Variants in CFAP221 observed in about 807,000 individuals in gnomAD.
CFAP221 encodes the protein cilia- and flagella-associated protein 221.
Under a neutral mutation model 113.1 loss-of-function variants are expected in CFAP221, and 97 were observed. The observed-to-expected ratio is 0.86, with a 90% CI of 0.73 to 1.02. The LOEUF (loss-of-function observed/expected upper bound fraction) is 1.02, where lower values mean the gene tolerates loss of function less well. Among genes scored for constraint, CFAP221 ranks in the 50% least tolerant of loss-of-function variants. The probability of loss-of-function intolerance (pLI) is 0.00; values close to 1 mark genes in which losing one functional copy is unlikely to be tolerated. For missense variants in CFAP221, 1,025 were observed against 1,013.4 expected, an observed-to-expected ratio of 1.01 and a Z score of -0.16; for synonymous variants, 331 against 354.4, an observed-to-expected ratio of 0.93 and a Z score of 0.74.
At position 119,656,659 on chromosome 2, in the gene CFAP221, T is replaced by C. The variant is rs927262634; in HGVS notation, c.*189T>C. 2.3e-6 allele frequency: 1 copy of C among 436,672 alleles called. No homozygotes were observed. The highest frequency in any genetic ancestry group is 2.0e-5 in the African/African-American group (1 of 50,336). 27.0% of individuals were successfully genotyped at this position (436,672 alleles called of 1,614,324 possible). On this transcript the variant is annotated 3_prime_UTR_variant, in exon 24 of 24. Transcript: ENST00000413369. The stretch of plus-strand genomic sequence containing the variant: ...TAAAAATAAAATGGAGTTAGGATGA[T>C]GACAGCGTTGTTAGCTTCTTGGTGC...
intron 7 of CFAP221, among the ~76,000 whole-genome samples, chr2:119,594,873 G>T (rs1329037660): frequency 6.6e-6 from 1 of 152,220 alleles, no homozygotes; most frequent in East Asian, 1.9e-4. Context: ...TGTTATGTAG[G>T]TTGCATGAGG....
intron 23 of CFAP221, 57 bp downstream of exon 23, chr2:119,652,126 C>A: frequency 7.2e-7 from 1 of 1,384,696 alleles, no homozygotes; most frequent in Non-Finnish European, 1.0e-6. Flanking sequence ...ATTTGTTCTG[C>A]ATAAAGTACA....
At chr2:119,608,668 G>T in intron 12 of CFAP221, 79 bp downstream of exon 12, 1 of 1,219,452 alleles carries the variant, frequency 8.2e-7, no homozygotes. Context: ...ATGCCAGGTG[G>T]AGGAAAACCC....
At chr2:119,597,549 C>T (rs1267660646) in intron 7 of CFAP221, among the ~76,000 whole-genome samples, 1 of 152,190 alleles carries the variant, frequency 6.6e-6, no homozygotes, top group Non-Finnish European at 1.5e-5. Context: ...AAAACCAATA[C>T]TTAGAATGTT....
chr2:119,599,688 G>A (rs1684233577), intron 7 of CFAP221, among the ~76,000 whole-genome samples: 1 of 152,112 alleles, frequency 6.6e-6, no homozygotes, highest in African/African-American at 2.4e-5. Flanking sequence ...TCCTCACAAG[G>A]GGGGCCTTTC....
At chr2:119,611,883 T>C in intron 13 of CFAP221, 141 bp downstream of exon 13, 1 of 729,186 alleles carries the variant, frequency 1.4e-6, no homozygotes, top group South Asian at 1.7e-5. Flanking sequence ...TTCAGAATGT[T>C]ACCATGTTTT....
At chr2:119,591,667 AT>A (rs1325095351) in intron 7 of CFAP221, among the ~76,000 whole-genome samples, 1 of 152,236 alleles carries the variant, frequency 6.6e-6, no homozygotes. Context: ...CAATGCCTGT[AT>A]CTTAATGAAA....
At chr2:119,658,606 C>G (rs949312093), downstream of CFAP221, among the ~76,000 whole-genome samples, 30 of 151,004 alleles carry the variant, frequency 2.0e-4, no homozygotes, top group Non-Finnish European at 4.1e-4. Context: ...TTATACTGAG[C>G]CCCCCTCAAC....
intron 3 of CFAP221, among the ~76,000 whole-genome samples, chr2:119,555,494 G>A (rs1680727801): frequency 6.6e-6 from 1 of 152,056 alleles, no homozygotes; most frequent in Admixed American, 6.5e-5. Flanking sequence ...CCCAAGGTTT[G>A]TTTTTCCTTT....
intron 19 of CFAP221, among the ~76,000 whole-genome samples, chr2:119,637,413 G>A (rs562037069): frequency 6.6e-6 from 1 of 152,290 alleles, no homozygotes; most frequent in African/African-American, 2.4e-5. Flanking sequence ...TAAGTTTGGG[G>A]GGACATTTGT....
chr2:119,560,261 G>A (rs775227200), intron 5 of CFAP221, among the ~76,000 whole-genome samples: 17 of 152,084 alleles, frequency 1.1e-4, no homozygotes, highest in African/African-American at 3.1e-4. Context: ...CAGGAGACGC[G>A]GTTTGCTGCA....
intron 15 of CFAP221, among the ~76,000 whole-genome samples, chr2:119,626,028 G>C (rs763714428): frequency 6.6e-6 from 1 of 152,100 alleles, no homozygotes; most frequent in African/African-American, 2.4e-5. Flanking sequence ...CAAGGTGCTG[G>C]TAGGGCTGCG....
At chr2:119,546,360 A>G (rs987533418) in intron 2 of CFAP221, 90 bp downstream of exon 2, 23 of 1,339,812 alleles carry the variant, frequency 1.7e-5, no homozygotes, top group Middle Eastern at 2.5e-4. Flanking sequence ...TTTAGTGCTG[A>G]TTTATCTATA....
chr2:119,553,933 G>A (rs1680602039), intron 3 of CFAP221, among the ~76,000 whole-genome samples: 1 of 152,080 alleles, frequency 6.6e-6, no homozygotes, highest in Non-Finnish European at 1.5e-5. Context: ...TTAGAAGAGT[G>A]GCAGAGGCTC....
chr2:119,614,335 A>C (rs1685383297), intron 13 of CFAP221, among the ~76,000 whole-genome samples: 1 of 152,172 alleles, frequency 6.6e-6, no homozygotes, highest in African/African-American at 2.4e-5. Flanking sequence ...GAGTATTTTT[A>C]TAGTAGCACC....
chr2:119,596,910 T>G (rs1230637781), intron 7 of CFAP221, among the ~76,000 whole-genome samples: 1 of 152,218 alleles, frequency 6.6e-6, no homozygotes, highest in African/African-American at 2.4e-5. Flanking sequence ...GTGGATCGCC[T>G]GCACTTGGCA....
At chr2:119,622,157 A>G (rs1685973438) in intron 14 of CFAP221, among the ~76,000 whole-genome samples, 1 of 152,238 alleles carries the variant, frequency 6.6e-6, no homozygotes, top group African/African-American at 2.4e-5. Context: ...AGAATCAAAT[A>G]GACACAATAA....
At chr2:119,552,369 C>G (rs1184739031) in intron 3 of CFAP221, among the ~76,000 whole-genome samples, 7 of 103,996 alleles carry the variant, frequency 6.7e-5, no homozygotes, top group South Asian at 4.0e-4. Context: ...AGAAATATTT[C>G]TTTCTTTAAT....
chr2:119,560,044 G>GA lies in CFAP221; in HGVS notation c.426+18_426+19insA. The GA allele has an allele frequency of 9.3e-7, 1 of 1,070,650 alleles. No individual in the cohort carries two copies. Among genetic ancestry groups the GA allele is most frequent in the Non-Finnish European group, 1.2e-6 (1 of 811,262 alleles). 66.3% of individuals were successfully genotyped at this position (1,070,650 alleles called of 1,614,324 possible). On this transcript the variant is annotated intron_variant, in intron 5 of 23. Coordinates refer to ENST00000413369, the MANE Select transcript of CFAP221 (RefSeq NM_001271049.2). The stretch of plus-strand genomic sequence containing the variant: ...ACTGTAAGGTAGGTCTCTTAAAATT[G>GA]CTTTTTTTTTTTTTTTTTTTTGATG...
Sources: allele counts gnomAD v4.1 joint callset (sites outside exome capture counted in the v4.1 genomes callset), GRCh38; gene constraint gnomAD v4.1.1; transcripts MANE v1.5; gene names NCBI Gene and HGNC (gene_info 2026-07-23, HGNC 2026-07-21).